Variants in CACNA1C observed in about 807,000 individuals in gnomAD.
CACNA1C encodes voltage-dependent L-type calcium channel subunit alpha-1C.
A neutral mutation model predicts 229.0 loss-of-function variants in CACNA1C; 30 were observed. The observed-to-expected ratio is 0.13, with a 90% confidence interval of 0.10 to 0.18. The LOEUF (loss-of-function observed/expected upper bound fraction) is 0.18, where lower values mean the gene tolerates loss of function less well. Ranked by LOEUF, CACNA1C falls within the 10% of genes least tolerant of loss-of-function variation. The probability of loss-of-function intolerance (pLI) is 1.00; values close to 1 mark genes in which losing one functional copy is unlikely to be tolerated. For synonymous variants in CACNA1C, 1,114 were observed against 1,132.5 expected (o/e 0.98, Z 0.33); for missense variants, 1,658 against 2,845.0 (o/e 0.58, Z 9.49).
intron 3 of CACNA1C, among the ~76,000 whole-genome samples, chr12:2,234,354 G>C (rs1416488263): frequency 6.6e-6 from 1 of 152,186 alleles, no homozygotes; most frequent in African/African-American, 2.4e-5. Flanking sequence ...GCCTGTTCTT[G>C]AGAGGAAGGG....
At chr12:2,480,308 G>A (rs1301526739) in intron 5 of CACNA1C, among the ~76,000 whole-genome samples, 1 of 152,112 alleles carries the variant, frequency 6.6e-6, no homozygotes, top group Non-Finnish European at 1.5e-5. Context: ...TACCTGACCA[G>A]GTCCTCTCCC....
chr12:2,357,970 CAAAAA>C (rs34774514), intron 3 of CACNA1C, among the ~76,000 whole-genome samples: 4,784 of 106,310 alleles, frequency 0.045, 144 homozygotes, highest in East Asian at 0.16. Context: ...AACTCAGTCT[CAAAAA>C]AAAAAAAAAA....
At chr12:2,014,345 A>T (rs1247566388) in intron 1 of CACNA1C, among the ~76,000 whole-genome samples, 1 of 152,052 alleles carries the variant, frequency 6.6e-6, no homozygotes, top group Non-Finnish European at 1.5e-5. Context: ...AAGCATAGCA[A>T]CTCATGGCTC....
chr12:2,323,928 A>G (rs1273049271), intron 3 of CACNA1C, among the ~76,000 whole-genome samples: 1 of 152,052 alleles, frequency 6.6e-6, no homozygotes, highest in Non-Finnish European at 1.5e-5. Flanking sequence ...ACAGTGGGGT[A>G]GTGGTGGTGA....
chr12:2,602,266 C>A lies in CACNA1C; in HGVS notation c.2960+306C>A, dbSNP rs956553999. 6.6e-6 allele frequency among the ~76,000 whole-genome samples: 1 copy of A among 152,198 alleles called. No individual in the cohort carries two copies. The highest frequency in any genetic ancestry group is 2.4e-5 in the African/African-American group (1 of 41,436). On this transcript the variant is annotated intron_variant, in intron 22 of 46. Transcript: ENST00000399655. This position sits in a 1 kb window ranked among gnomAD's most constrained non-coding sequence, Gnocchi z 4.4. ...GACCTTCCTGCCTCCTCCACCACGGCCCCAGTGCCCTAGGCTGACCTTCAG... is the reference window on the plus strand; with the variant it reads ...GACCTTCCTGCCTCCTCCACCACGGACCCAGTGCCCTAGGCTGACCTTCAG...
At position 2,285,912 on chromosome 12, in the gene CACNA1C, G is replaced by A. The variant is rs2092604183; in HGVS notation, c.478-163064G>A. Among the ~76,000 whole-genome samples, 1 of 152,194 alleles carries A rather than the reference G, an allele frequency of 6.6e-6. No homozygotes were observed. Among genetic ancestry groups the A allele is most frequent in the Admixed American group, 6.5e-5 (1 of 15,280 alleles). On this transcript the variant is annotated intron_variant, in intron 3 of 46. Coordinates refer to ENST00000399655, the MANE Select transcript of CACNA1C (RefSeq NM_000719.7). This position sits in a 1 kb window ranked among gnomAD's most constrained non-coding sequence, Gnocchi z 4.2. ...AGATAGGGATTCTTCAAACTGCACA[G>A]CTTTTCAGGCCATTTCGTTTAGGCG... is the stretch of plus-strand genomic sequence containing the variant.
At chr12:2,109,256 G>C (rs2080631354) in intron 1 of CACNA1C, among the ~76,000 whole-genome samples, 1 of 152,144 alleles carries the variant, frequency 6.6e-6, no homozygotes, top group African/African-American at 2.4e-5. Context: ...AGGGGCGTTG[G>C]GCATGTTTAT....
rs568071355 is a variant in CACNA1C at position 2,301,146 on chromosome 12, A to G, written c.478-147830A>G. 3.3e-5 allele frequency among the ~76,000 whole-genome samples: 5 copies of G among 152,270 alleles called. No homozygotes were observed. In the East Asian group the frequency reaches 7.7e-4, roughly 24 times the overall value. ...GGCACACTTAGCACGGCCCAAGAGC[A>G]CTATCTGCAGGAGGCGCTTGGCCCC... On this transcript the variant is annotated intron_variant, in intron 3 of 46. Transcript: ENST00000399655.
intron 4 of CACNA1C, among the ~76,000 whole-genome samples, chr12:2,450,553 C>CAAAAAAAAA (rs796416420): frequency 5.1e-5 from 2 of 39,016 alleles, no homozygotes; most frequent in African/African-American, 8.4e-5. Context: ...GACTCCATCT[C>CAAAAAAAAA]AAAAAAAAAA....
intron 11 of CACNA1C, among the ~76,000 whole-genome samples, chr12:2,560,861 A>AG: frequency 6.6e-6 from 1 of 151,486 alleles, no homozygotes; most frequent in African/African-American, 2.4e-5. Flanking sequence ...AAAAAAAAAA[A>AG]AAAAAAAAAA....
Position 2,053,546 on chromosome 12 carries a change from A to G in CACNA1C, c.-17A>G, listed in dbSNP as rs2154502614. On this transcript the variant is annotated 5_prime_UTR_variant, in exon 1 of 47. Coordinates refer to ENST00000399655, the MANE Select transcript of CACNA1C (RefSeq NM_000719.7). This position sits in a 1 kb window ranked among gnomAD's most constrained non-coding sequence, Gnocchi z 5.8. ...CCTCTTCGTGGCTGCTCCTCCTATT[A>G]AAACCATTTTTGGTCCATGGTCAAT... is the stretch of plus-strand genomic sequence containing the variant. 6.3e-7 allele frequency: 1 copy of G among 1,584,278 alleles called. No individual in the cohort carries two copies.
intron 9 of CACNA1C, among the ~76,000 whole-genome samples, chr12:2,548,472 CA>C (rs1466996806): frequency 6.6e-6 from 1 of 152,210 alleles, no homozygotes; most frequent in African/African-American, 2.4e-5. Context: ...ATGGGCATCA[CA>C]TCCCTTCTCT....
rs1216939867 is a variant in CACNA1C at position 2,348,891 on chromosome 12, C to T, written c.478-100085C>T. Among the ~76,000 whole-genome samples the T allele has an allele frequency of 6.6e-6, 1 of 152,142 alleles. No homozygotes were observed. The highest frequency in any genetic ancestry group is 1.5e-5 in the Non-Finnish European group (1 of 68,040). On this transcript the variant is annotated intron_variant, in intron 3 of 46. Coordinates refer to ENST00000399655, the MANE Select transcript of CACNA1C (RefSeq NM_000719.7). The surrounding 1 kb of genome is among the most constrained non-coding windows in gnomAD (Gnocchi z 4.7). ...GGAAAAAGCCTCCTTCAAAGTGAAC[C>T]CAATTCCTAAAGTCCTCCTTAATGG...
intron 5 of CACNA1C, among the ~76,000 whole-genome samples, chr12:2,481,963 C>A (rs1470969479): frequency 6.6e-6 from 1 of 152,274 alleles, no homozygotes; most frequent in Non-Finnish European, 1.5e-5. Flanking sequence ...CATGGCCTAT[C>A]TGAGAACACT....
chr12:2,246,574 G>A (rs1422115544), intron 3 of CACNA1C, among the ~76,000 whole-genome samples: 1 of 152,138 alleles, frequency 6.6e-6, no homozygotes, highest in Non-Finnish European at 1.5e-5. Context: ...TCATACCGTT[G>A]TTGTCCCCTT....
chr12:2,009,497 A>G (rs1481829980), intron 1 of CACNA1C, among the ~76,000 whole-genome samples: 2 of 152,228 alleles, frequency 1.3e-5, no homozygotes, highest in East Asian at 3.8e-4. Context: ...TTTGTTGTGT[A>G]AATACCCTCT....
rs1236183032 is a variant in CACNA1C at position 2,693,867 on chromosome 12, ATAAG to A, written c.*2673_*2676del. ...TCCCTGAGCCCCTCTTGGCACATAT[ATAAG>A]TAAGCTAGAAATTACAATAAGGGAC... On this transcript the variant is annotated 3_prime_UTR_variant, in exon 47 of 47. Coordinates refer to ENST00000399655, the MANE Select transcript of CACNA1C (RefSeq NM_000719.7). The A allele has an allele frequency of 1.3e-5, 2 of 152,198 alleles. No individual in the cohort carries two copies. Among genetic ancestry groups the A allele is most frequent in the African/African-American group, 4.8e-5 (2 of 41,426 alleles). The allele number at this position is 152,198 out of a possible 1,614,324, so 9.4% of individuals were successfully genotyped here.
At chr12:2,686,143 T>G in intron 44 of CACNA1C, 23 bp from the exon 45 acceptor site, 1 of 1,592,022 alleles carries the variant, frequency 6.3e-7, no homozygotes, top group South Asian at 1.1e-5. Context: ...GCCCTGATGG[T>G]GGCTCTCTGG....
Position 2,641,904 on chromosome 12 carries a change from A to T in CACNA1C, c.3913-6571A>T. ...TAGCAGAGCCACCCTCATTCCTAGA[A>T]GTGGGATGAAGCATCTGACCATCAG... On this transcript the variant is annotated intron_variant, in intron 30 of 46. Coordinates refer to ENST00000399655, the MANE Select transcript of CACNA1C (RefSeq NM_000719.7). 8 of 645,120 alleles carry T rather than the reference A, an allele frequency of 1.2e-5. No homozygotes were observed. The South Asian group carries it at 1.4e-4, about 11-fold the overall frequency. 40.0% of individuals were successfully genotyped at this position (645,120 alleles called of 1,614,324 possible).
Sources: gnomAD v4.1 joint callset for allele counts (sites outside exome capture counted in the v4.1 genomes callset) on GRCh38, gnomAD v4.1.1 for gene constraint, Gnocchi (gnomAD v3.1) non-coding constraint, MANE v1.5 for transcripts, NCBI Gene and HGNC (gene_info 2026-07-23, HGNC 2026-07-21) for gene names.